The following GRSF1 variants were observed in gnomAD, a reference collection of about 807,000 sequenced individuals.
GRSF1 encodes G-rich RNA sequence binding factor 1.
In GRSF1, 50 loss-of-function variants were observed where a neutral mutation model predicts 51.1. The ratio of observed to expected loss-of-function variants is 0.98; its 90% CI spans 0.78 to 1.24. The LOEUF (loss-of-function observed/expected upper bound fraction) is 1.24, where lower values mean the gene tolerates loss of function less well. GRSF1 is among the 50% of genes most tolerant of loss of function. The probability of loss-of-function intolerance (pLI) is 0.00; values close to 1 mark genes in which losing one functional copy is unlikely to be tolerated. For missense variants in GRSF1, 700 were observed against 639.7 expected, an observed-to-expected ratio of 1.09 and a Z score of -1.02; for synonymous variants, 293 against 253.3, an observed-to-expected ratio of 1.16 and a Z score of -1.49.
intron 1 of GRSF1, chr4:70,839,244 G>C (rs1734356568): frequency 1.4e-6 from 2 of 1,473,078 alleles, no homozygotes; most frequent in Non-Finnish European, 1.8e-6. Context: ...CAACCGACCA[G>C]AGACTCGAGG....
chr4:70,827,052 C>T (rs951691002), intron 6 of GRSF1, among the ~76,000 whole-genome samples: 3 of 152,118 alleles, frequency 2.0e-5, no homozygotes, highest in Non-Finnish European at 4.4e-5. Context: ...CTTTGGGAAG[C>T]AGAGGCCGGC....
At chr4:70,828,333 G>A (rs1560597103) in intron 5 of GRSF1, among the ~76,000 whole-genome samples, 1 of 152,114 alleles carries the variant, frequency 6.6e-6, no homozygotes, top group African/African-American at 2.4e-5. Flanking sequence ...AGTTAATTGT[G>A]TATACAGAAA....
In GRSF1 at chr4:70,827,860, T is replaced by C; in HGVS notation, c.1127A>G (p.Lys376Arg). 6.2e-7 allele frequency: 1 copy of C among 1,608,424 alleles called. No homozygotes were observed. The highest frequency in any genetic ancestry group is 1.1e-5 in the South Asian group (1 of 90,456). Residue 376 changes from lysine to arginine, a missense_variant, in exon 6 of 10, where the codon AAG becomes AGG. By Grantham distance (26) the Lys-to-Arg change is conservative. Transcript: ENST00000254799. ...AAGAGGCAGGACCTTACCTATTTCC[T>C]TCTCACTTTCAAAAGCTGTCATGGG... ...IQPMTAFESE[K>R]EIELPKEVPE...
chr4:70,824,429 AT>A (rs1424093740), intron 8 of GRSF1, 61 bp from the exon 9 acceptor site: 1 of 864,718 alleles, frequency 1.2e-6, no homozygotes, highest in East Asian at 2.7e-5. Flanking sequence ...TATTACAGCC[AT>A]TTTTCTCACA....
In GRSF1 at chr4:70,827,884, G is replaced by T. The variant is rs377746676; in HGVS notation, c.1103C>A (p.Pro368His). The change falls in exon 6 of 10, where the codon CCC (proline) becomes CAC (histidine). Residue 368 changes from proline (P) to histidine (H), a missense_variant. Physicochemically the swap from Pro to His is moderately conservative, Grantham distance 77. Coordinates refer to ENST00000254799, the MANE Select transcript of GRSF1 (RefSeq NM_002092.4). ...EEHEVNEDIQ[P>H]MTAFESEKEI... is the part of the protein sequence containing the mutation. ...CTTCTCACTTTCAAAAGCTGTCATG[G>T]GTTGAATATCCTCATTTACTTCATG... 3.1e-6 allele frequency: 5 copies of T among 1,612,894 alleles called. No homozygotes were observed. The African/African-American group carries it at 5.3e-5, about 17-fold the overall frequency.
At position 70,817,895 on chromosome 4, in the gene GRSF1, A is replaced by G. The variant is rs557412391; in HGVS notation, c.*2992T>C. 1 of 152,290 alleles carries G rather than the reference A, an allele frequency of 6.6e-6. No individual in the cohort carries two copies. Among genetic ancestry groups the G allele is most frequent in the East Asian group, 1.9e-4 (1 of 5,184 alleles). The allele number at this position is 152,290 out of a possible 1,614,324, so 9.4% of individuals were successfully genotyped here. A position where few individuals can be genotyped will look rare whatever the true frequency, so the allele number is the denominator to read the frequency against. ...AACTTGGGGAGTGGGAGGGTAATGT[A>G]TTTCTAATGCGATAGCGCAATTTGG... On this transcript the variant is annotated 3_prime_UTR_variant, in exon 10 of 10. Transcript: ENST00000254799.
intron 2 of GRSF1, among the ~76,000 whole-genome samples, chr4:70,834,071 CA>C (rs1734093361): frequency 6.6e-6 from 1 of 152,134 alleles, no homozygotes; most frequent in East Asian, 1.9e-4. Flanking sequence ...CCAACCTGGC[CA>C]ACACGGCAAA....
At chr4:70,838,335 AAG>A (rs908965879) in intron 1 of GRSF1, among the ~76,000 whole-genome samples, 5 of 152,160 alleles carry the variant, frequency 3.3e-5, no homozygotes, top group African/African-American at 4.8e-5. Context: ...TAGAAAAAAA[AAG>A]AGAGAAGCTA....
chr4:70,838,610 G>T (rs953007374), intron 1 of GRSF1, among the ~76,000 whole-genome samples: 3 of 152,190 alleles, frequency 2.0e-5, no homozygotes, highest in African/African-American at 7.2e-5. Flanking sequence ...TAGTTAAAAA[G>T]TGTGCAGACA....
chr4:70,842,790 T>A (rs575213527), upstream of GRSF1, among the ~76,000 whole-genome samples: 58 of 152,240 alleles, frequency 3.8e-4, no homozygotes, highest in African/African-American at 1.4e-3. Flanking sequence ...GAAACCTAAA[T>A]AGACAGAAAT....
chr4:70,830,437 CCT>C (rs1312013783), intron 5 of GRSF1, among the ~76,000 whole-genome samples: 7 of 146,058 alleles, frequency 4.8e-5, no homozygotes, highest in East Asian at 2.1e-4. Context: ...AGAATAAGAC[CCT>C]GTGTCTTAAA....
chr4:70,831,954 T>C (rs937614136), intron 4 of GRSF1, among the ~76,000 whole-genome samples: 8 of 148,508 alleles, frequency 5.4e-5, no homozygotes, highest in South Asian at 4.3e-4. Flanking sequence ...TAGGAAACAA[T>C]AGAAATCACA....
At chr4:70,826,278 A>G (rs186805801) in intron 6 of GRSF1, 33 bp from the exon 7 acceptor site, 337 of 1,564,052 alleles carry the variant, frequency 2.2e-4, no homozygotes, top group South Asian at 1.4e-3. Flanking sequence ...CTGTTAAAAC[A>G]TAACAGCTTC....
chr4:70,826,084 G>C (rs546689991), intron 7 of GRSF1, 40 bp downstream of exon 7: 45 of 1,557,290 alleles, frequency 2.9e-5, no homozygotes, highest in Admixed American at 1.5e-4. Context: ...TAGAACTTTT[G>C]TTCAAATCTA....
intron 5 of GRSF1, among the ~76,000 whole-genome samples, chr4:70,830,840 T>C (rs549123412): frequency 6.6e-6 from 1 of 152,014 alleles, no homozygotes; most frequent in Non-Finnish European, 1.5e-5. Context: ...AAAAAGGCTA[T>C]TTTTGGTATA....
At chr4:70,841,116 G>T (rs1433821102), upstream of GRSF1, among the ~76,000 whole-genome samples, 1 of 151,916 alleles carries the variant, frequency 6.6e-6, no homozygotes, top group East Asian at 1.9e-4. Context: ...GGCAACATAG[G>T]GAGACCCCGT....
intron 1 of GRSF1, chr4:70,839,214 C>A: frequency 7.0e-7 from 1 of 1,434,334 alleles, no homozygotes; most frequent in Non-Finnish European, 9.2e-7. Flanking sequence ...AACATTCACC[C>A]CAGCCACACT....
chr4:70,840,027 C>T (rs1734408549), upstream of GRSF1: 1 of 506,172 alleles, frequency 2.0e-6, no homozygotes, highest in Non-Finnish European at 3.4e-6. Flanking sequence ...GCGGGGCTGC[C>T]CATGGTTTGG....
At chr4:70,831,455 T>C in intron 5 of GRSF1, 84 bp downstream of exon 5, 1 of 1,221,438 alleles carries the variant, frequency 8.2e-7, no homozygotes, top group Admixed American at 2.2e-5. Flanking sequence ...TATGTTTGGA[T>C]AACTTTTCAG....
Sources: gnomAD v4.1 joint callset for allele counts (sites outside exome capture counted in the v4.1 genomes callset) on GRCh38, gnomAD v4.1.1 for gene constraint, MANE v1.5 for transcripts, NCBI Gene and HGNC (gene_info 2026-07-23, HGNC 2026-07-21) for gene names.